Variants in ZNF44 observed in about 807,000 individuals in gnomAD.
ZNF44 encodes gonadotropin inducible transcription repressor-2.
A neutral mutation model predicts 11.7 loss-of-function variants in ZNF44; 9 were observed. That is an observed-to-expected ratio of 0.77 (90% CI 0.46 to 1.35). ZNF44 has a LOEUF of 1.35. Ranked by LOEUF, ZNF44 falls within the 40% of genes most tolerant of loss-of-function variation. The pLI is 0.00. For synonymous variants in ZNF44, 224 were observed against 242.7 expected, an observed-to-expected ratio of 0.92 and a Z score of 0.72; for missense variants, 696 against 743.1, an observed-to-expected ratio of 0.94 and a Z score of 0.74.
chr19:12,270,749 A>T (rs1312512542), downstream of ZNF44, among the ~76,000 whole-genome samples: 1 of 152,138 alleles, frequency 6.6e-6, no homozygotes, highest in African/African-American at 2.4e-5. Flanking sequence ...AAGTGTGCCC[A>T]GCCCCACCTC....
chr19:12,226,981 G>A (rs958619985), intron 3 of ZNF44, among the ~76,000 whole-genome samples: 5 of 151,822 alleles, frequency 3.3e-5, no homozygotes, highest in African/African-American at 9.7e-5. Context: ...CAGGAGAATC[G>A]CTTGAATGTA....
At chr19:12,241,453 G>A (rs1218375413), upstream of ZNF44, among the ~76,000 whole-genome samples, 2 of 152,180 alleles carry the variant, frequency 1.3e-5, no homozygotes, top group Non-Finnish European at 1.5e-5. Flanking sequence ...ACTCTGGGAG[G>A]CCAAAGTGGG....
chr19:12,242,250 G>A (rs1916642739), upstream of ZNF44, among the ~76,000 whole-genome samples: 1 of 152,160 alleles, frequency 6.6e-6, no homozygotes, highest in South Asian at 2.1e-4. Flanking sequence ...GCTCACGCCT[G>A]TAATCCCAGC....
chr19:12,241,520 C>A (rs1310448535), upstream of ZNF44, among the ~76,000 whole-genome samples: 3 of 152,128 alleles, frequency 2.0e-5, no homozygotes, highest in African/African-American at 7.2e-5. Context: ...ATGGTGAAAC[C>A]CTGTCTCTAC....
In ZNF44 at chr19:12,273,148, T is replaced by C. The variant is rs778494671; in HGVS notation, c.1107A>G (p.Gln369=). Residue 369 remains glutamine (Q), a synonymous_variant, in exon 4 of 4, where the codon CAA becomes CAG. Coordinates refer to ENST00000355684, the MANE Select transcript of ZNF44 (RefSeq NM_016264.4). ...AGCGATGAGATAACAATTTCCCACA[T>C]TGCTTACATTCATAGGGTTTCTCTA... ...HTLEKPYECK[Q]CGKLLSHRSS... is the part of the protein sequence containing the mutation. The C allele has an allele frequency of 1.4e-5, 22 of 1,613,686 alleles. No homozygotes were observed. Among genetic ancestry groups the C allele is most frequent in the Admixed American group, 5.0e-5 (3 of 59,994 alleles).
intron 3 of ZNF44, among the ~76,000 whole-genome samples, chr19:12,228,018 TAGTGCTTA>T (rs1915992216): frequency 5.9e-5 from 9 of 152,226 alleles, no homozygotes; most frequent in Admixed American, 5.9e-4. Flanking sequence ...AAAAGCAGGT[TAGTGCTTA>T]AGAGAAACCC....
At chr19:12,266,747 G>A (rs553081311) in intron 5 of ZNF44, among the ~76,000 whole-genome samples, 2 of 152,222 alleles carry the variant, frequency 1.3e-5, no homozygotes, top group Non-Finnish European at 2.9e-5. Flanking sequence ...CCTCGCCAGA[G>A]GACATTGGAA....
downstream of ZNF44, among the ~76,000 whole-genome samples, chr19:12,225,438 GT>G (rs1186214630): frequency 6.6e-6 from 1 of 151,874 alleles, no homozygotes; most frequent in African/African-American, 2.4e-5. Flanking sequence ...TTTTTAGCTT[GT>G]TTTTTTTAAT....
chr19:12,227,821 T>G (rs1915984577), intron 3 of ZNF44, among the ~76,000 whole-genome samples: 9 of 152,204 alleles, frequency 5.9e-5, no homozygotes, highest in Admixed American at 5.9e-4. Context: ...AAACACCATT[T>G]TGTATTTGAC....
chr19:12,266,924 G>T (rs1917754262), downstream of ZNF44, among the ~76,000 whole-genome samples: 1 of 152,136 alleles, frequency 6.6e-6, no homozygotes, highest in Non-Finnish European at 1.5e-5. Flanking sequence ...GGTCACACTG[G>T]AACATGGGAG....
At chr19:12,244,475 G>A (rs930310437), downstream of ZNF44, 16 of 152,410 alleles carry the variant, frequency 1.0e-4, no homozygotes, top group Non-Finnish European at 1.5e-5. Flanking sequence ...ATAGATAACA[G>A]TGTCCATTAT....
downstream of ZNF44, among the ~76,000 whole-genome samples, chr19:12,269,675 A>G (rs1255108902): frequency 2.0e-5 from 3 of 152,174 alleles, no homozygotes; most frequent in Non-Finnish European, 2.9e-5. Flanking sequence ...ATAGTTATAA[A>G]TGTTATAACA....
intron 5 of ZNF44, among the ~76,000 whole-genome samples, chr19:12,262,400 A>G (rs915733531): frequency 2.0e-5 from 3 of 152,058 alleles, no homozygotes; most frequent in Non-Finnish European, 4.4e-5. Flanking sequence ...CCTCCCGAGT[A>G]GCTGAGATTA....
upstream of ZNF44, among the ~76,000 whole-genome samples, chr19:12,239,314 A>G (rs568218688): frequency 1.9e-4 from 29 of 151,096 alleles, no homozygotes; most frequent in Non-Finnish European, 3.4e-4. Flanking sequence ...GGGTTTCACC[A>G]TGTTGACCAG....
At chr19:12,290,625 G>A (rs139451771) in intron 1 of ZNF44, among the ~76,000 whole-genome samples, 2 of 151,632 alleles carry the variant, frequency 1.3e-5, no homozygotes, top group Non-Finnish European at 2.9e-5. Context: ...GCTTGAACCC[G>A]GAAGGCAGAG....
chr19:12,240,444 CAAAAA>C (rs56300338), upstream of ZNF44, among the ~76,000 whole-genome samples: 1 of 102,368 alleles, frequency 9.8e-6, no homozygotes, highest in Non-Finnish European at 2.0e-5. Context: ...GATTCTATCT[CAAAAA>C]AAAAAAAAAA....
chr19:12,284,867 C>T (rs749383250), intron 1 of ZNF44: 41 of 799,888 alleles, frequency 5.1e-5, no homozygotes, highest in African/African-American at 4.7e-4. Context: ...CAGGCCACTG[C>T]GGCTCTGTGC....
At chr19:12,270,322 AAATTT>A (rs1966909107), downstream of ZNF44, among the ~76,000 whole-genome samples, 1 of 152,062 alleles carries the variant, frequency 6.6e-6, no homozygotes, top group South Asian at 2.1e-4. Flanking sequence ...TACAAAACAA[AAATTT>A]AATTTTTCTG....
intron 1 of ZNF44, among the ~76,000 whole-genome samples, chr19:12,236,864 G>A (rs1916409258): frequency 6.6e-6 from 1 of 152,144 alleles, no homozygotes; most frequent in Admixed American, 6.5e-5. Flanking sequence ...CCTTAAACTT[G>A]ACTTAGAATA....
Sources: allele counts gnomAD v4.1 joint callset (sites outside exome capture counted in the v4.1 genomes callset), GRCh38; gene constraint gnomAD v4.1.1; transcripts MANE v1.5; gene names NCBI Gene and HGNC (gene_info 2026-07-23, HGNC 2026-07-21).